Variants in RPE65 observed in about 807,000 individuals in gnomAD.
The protein encoded by RPE65 is retinoid isomerohydrolase.
In RPE65, 58 loss-of-function variants were observed where a neutral mutation model predicts 68.5. That is an observed-to-expected ratio of 0.85 (90% CI 0.69 to 1.05). RPE65 has a LOEUF of 1.05. Among genes scored for constraint, RPE65 ranks in the 50% least tolerant of loss-of-function variants. RPE65 has a pLI of 0.00. For synonymous variants in RPE65, 220 were observed against 222.2 expected (o/e 0.99, Z 0.09); for missense variants, 643 against 629.9 (o/e 1.02, Z -0.22).
At chr1:68,438,831 T>A in intron 9 of RPE65, 111 bp downstream of exon 9, 1 of 1,360,504 alleles carries the variant, frequency 7.4e-7, no homozygotes, top group Non-Finnish European at 1.1e-6. Flanking sequence ...GACTCTCACA[T>A]AACTCTTGCT....
At chr1:68,441,528 C>G (rs887969628) in intron 5 of RPE65, among the ~76,000 whole-genome samples, 4 of 151,952 alleles carry the variant, frequency 2.6e-5, no homozygotes, top group Admixed American at 2.0e-4. Flanking sequence ...TTAGGAGAAC[C>G]ATGGATCTCT....
chr1:68,448,595 A>G lies in RPE65; in HGVS notation c.94+29T>C, dbSNP rs1462407671. On this transcript the variant is annotated intron_variant, in intron 2 of 13. Transcript: ENST00000262340. Reference sequence around the variant, plus strand: ...CAGAGAAGAGAGACTGACATAAAAGAGGATGGCTTCAAGATGGGCGAGACC... The same window carrying G: ...CAGAGAAGAGAGACTGACATAAAAGGGGATGGCTTCAAGATGGGCGAGACC... 3 of 1,601,416 alleles carry G rather than the reference A, an allele frequency of 1.9e-6. No homozygotes were observed. The South Asian group carries it at 3.3e-5, about 18-fold the overall frequency.
chr1:68,443,662 T>C (rs1434481719), intron 5 of RPE65, among the ~76,000 whole-genome samples: 3 of 152,178 alleles, frequency 2.0e-5, no homozygotes, highest in East Asian at 1.9e-4. Flanking sequence ...CCTTTCGTAT[T>C]TATGCTTTCT....
intron 1 of RPE65, 62 bp from the exon 2 acceptor site, chr1:68,448,768 G>T: frequency 2.0e-6 from 3 of 1,467,234 alleles, no homozygotes; most frequent in Non-Finnish European, 1.9e-6. Context: ...CAGAGATAGA[G>T]GCAGAGCTGC....
chr1:68,431,414 C>G (rs766606302), intron 11 of RPE65, 38 bp from the exon 12 acceptor site: 15 of 1,612,514 alleles, frequency 9.3e-6, no homozygotes, highest in Non-Finnish European at 1.3e-5. Flanking sequence ...AACTCTTAAT[C>G]TCTTTGAAAG....
At chr1:68,439,122 A>G in intron 8 of RPE65, 41 bp from the exon 9 acceptor site, 1 of 1,613,956 alleles carries the variant, frequency 6.2e-7, no homozygotes, top group Non-Finnish European at 8.5e-7. Flanking sequence ...TTTAAAAAGG[A>G]AAAAAGTGTA....
intron 6 of RPE65, among the ~76,000 whole-genome samples, chr1:68,439,959 T>G (rs1645888348): frequency 6.6e-6 from 1 of 152,100 alleles, no homozygotes; most frequent in African/African-American, 2.4e-5. Context: ...AACCTCAGAA[T>G]GGTCAAAATG....
At chr1:68,443,085 C>T (rs1645914518) in intron 5 of RPE65, among the ~76,000 whole-genome samples, 1 of 152,020 alleles carries the variant, frequency 6.6e-6, no homozygotes, top group Admixed American at 6.5e-5. Flanking sequence ...AAAATATAGC[C>T]CTACTCATAC....
chr1:68,444,994 G>T, intron 3 of RPE65, 111 bp from the exon 4 acceptor site: 1 of 894,240 alleles, frequency 1.1e-6, no homozygotes, highest in Middle Eastern at 2.3e-4. Flanking sequence ...AATCATAAAT[G>T]CACAACATGA....
rs142626873 is a variant in RPE65 at position 68,444,831 on chromosome 1, T to G, written c.298A>C (p.Ile100Leu). The G allele has an allele frequency of 1.8e-5, 29 of 1,614,128 alleles. No homozygotes were observed. The African/African-American group carries it at 3.9e-4, about 22-fold the overall frequency. Residue 100 changes from isoleucine to leucine, a missense_variant, in exon 4 of 14, where the codon ATA becomes CTA. By Grantham distance (5) the Ile-to-Leu change is conservative. Coordinates refer to ENST00000262340, the MANE Select transcript of RPE65 (RefSeq NM_000329.3). ...AAAGCACAGGTGCCAAATTCTGTTA[T>G]GACGATCCTTTTCTCAGTCATTGCC... The part of the protein sequence containing the change: ...VRAMTEKRIV[I>L]TEFGTCAFPD...
intron 8 of RPE65, 37 bp downstream of exon 8, chr1:68,439,153 TC>T (rs1645881787): frequency 6.2e-7 from 1 of 1,613,912 alleles, no homozygotes; most frequent in African/African-American, 1.3e-5. Context: ...CACATCTTCT[TC>T]AGAATCACAA....
intron 5 of RPE65, among the ~76,000 whole-genome samples, chr1:68,444,035 C>A (rs1300938586): frequency 2.0e-5 from 3 of 152,128 alleles, no homozygotes; most frequent in Non-Finnish European, 4.4e-5. Context: ...ATTTTTTGAG[C>A]ACCCAGTATT....
chr1:68,447,709 C>T (rs1390765864), intron 2 of RPE65, among the ~76,000 whole-genome samples: 1 of 152,038 alleles, frequency 6.6e-6, no homozygotes, highest in East Asian at 1.9e-4. Flanking sequence ...ATTAGCCGGG[C>T]GTGATGGCGG....
At chr1:68,438,112 A>C in intron 10 of RPE65, 75 bp downstream of exon 10, 1 of 1,575,334 alleles carries the variant, frequency 6.3e-7, no homozygotes, top group Non-Finnish European at 8.7e-7. Flanking sequence ...ATGTATAAAC[A>C]TGAGGCAGGA....
At chr1:68,432,462 G>C (rs907836502) in intron 10 of RPE65, among the ~76,000 whole-genome samples, 6 of 152,156 alleles carry the variant, frequency 3.9e-5, no homozygotes, top group Non-Finnish European at 7.3e-5. Context: ...AAAACTCTTA[G>C]AAGATGAGAG....
Position 68,448,722 on chromosome 1 carries a change from A to T in RPE65, c.12-16T>A. 1.9e-6 allele frequency: 3 copies of T among 1,609,454 alleles called. No individual in the cohort carries two copies. The highest frequency in any genetic ancestry group is 2.5e-6 in the Non-Finnish European group (3 of 1,177,120). Reference sequence around the variant, plus strand: ...ATGCTCAACCCTGAAATGGTGGAAGAATAAGGAAGAAGCCCATGTTGATGC... The same window carrying T: ...ATGCTCAACCCTGAAATGGTGGAAGTATAAGGAAGAAGCCCATGTTGATGC... On this transcript the variant is annotated splice_polypyrimidine_tract_variant and intron_variant, in intron 1 of 13. Transcript: ENST00000262340.
intron 5 of RPE65, among the ~76,000 whole-genome samples, chr1:68,443,602 C>T (rs1184854737): frequency 6.6e-6 from 1 of 152,176 alleles, no homozygotes; most frequent in Non-Finnish European, 1.5e-5. Flanking sequence ...CCCTTTAAGC[C>T]TTCTTTCACC....
Position 68,436,917 on chromosome 1 carries a change from G to A in RPE65, c.1128+1270C>T, listed in dbSNP as rs116946639. 2.0e-5 allele frequency among the ~76,000 whole-genome samples: 3 copies of A among 152,222 alleles called. No homozygotes were observed. The East Asian group carries it at 5.8e-4, about 29-fold the overall frequency. On this transcript the variant is annotated intron_variant, in intron 10 of 13. Transcript: ENST00000262340. ...GATACCAACTGCTGTTGATTTTGCTGCCTAAATATTTCTCAGCTTTGCATC... is the reference window on the plus strand; with the variant it reads ...GATACCAACTGCTGTTGATTTTGCTACCTAAATATTTCTCAGCTTTGCATC...
At chr1:68,435,537 G>T (rs1367094967) in intron 10 of RPE65, among the ~76,000 whole-genome samples, 2 of 152,088 alleles carry the variant, frequency 1.3e-5, no homozygotes, top group African/African-American at 4.8e-5. Context: ...CCTTCTAAGA[G>T]TACAACGTAC....
Sources: allele counts gnomAD v4.1 joint callset (sites outside exome capture counted in the v4.1 genomes callset), GRCh38; gene constraint gnomAD v4.1.1; transcripts MANE v1.5; gene names NCBI Gene and HGNC (gene_info 2026-07-23, HGNC 2026-07-21).